The following CCDC18 variants were observed in gnomAD, a reference collection of about 807,000 sequenced individuals.
The protein encoded by CCDC18 is coiled-coil domain-containing protein 18.
CCDC18 carries 157 observed loss-of-function variants against 196.0 expected under a neutral mutation model. The observed-to-expected ratio is 0.80, with a 90% CI of 0.70 to 0.91. CCDC18 has a LOEUF of 0.91. Ranked by LOEUF, CCDC18 falls within the 40% of genes least tolerant of loss-of-function variation. CCDC18 has a pLI of 0.00. For synonymous variants in CCDC18, 482 were observed against 529.2 expected, an observed-to-expected ratio of 0.91 and a Z score of 1.22; for missense variants, 1,465 against 1,611.6, an observed-to-expected ratio of 0.91 and a Z score of 1.56.
At chr1:93,227,571 A>G (rs545478761) in intron 17 of CCDC18, among the ~76,000 whole-genome samples, 1 of 152,286 alleles carries the variant, frequency 6.6e-6, no homozygotes, top group African/African-American at 2.4e-5. Context: ...GGATAATCGT[A>G]ATGAAGAATG....
At chr1:93,210,186 G>A (rs1655384156) in intron 9 of CCDC18, among the ~76,000 whole-genome samples, 1 of 152,206 alleles carries the variant, frequency 6.6e-6, no homozygotes, top group South Asian at 2.1e-4. Context: ...GTGTGATTCG[G>A]TTATAGTTTG....
chr1:93,234,807 G>A (rs1659789703), intron 18 of CCDC18, among the ~76,000 whole-genome samples: 1 of 68,064 alleles, frequency 1.5e-5, no homozygotes, highest in Non-Finnish European at 2.7e-5. Context: ...TTTTGAGACC[G>A]GGTCTTACTT....
At position 93,241,450 on chromosome 1, in the gene CCDC18, G is replaced by A. The variant is rs750272206; in HGVS notation, c.2981+1554G>A. On this transcript the variant is annotated intron_variant, in intron 21 of 28. Transcript: ENST00000690025. The stretch of plus-strand genomic sequence containing the variant: ...ATTTAAAACATAAATTAGACCAGGC[G>A]CGGTGGCTCACGCCTGTAATCCCAA... Among the ~76,000 whole-genome samples, 188 of 151,938 alleles carry A rather than the reference G, an allele frequency of 1.2e-3. 1 individual carries two copies. Among genetic ancestry groups the A allele is most frequent in the Non-Finnish European group, 3.8e-4 (26 of 67,958 alleles).
intron 23 of CCDC18, among the ~76,000 whole-genome samples, chr1:93,248,604 A>T (rs1469575691): frequency 6.6e-6 from 1 of 152,066 alleles, no homozygotes. Context: ...TTCATCAGGG[A>T]TATTGGCCTG....
At chr1:93,266,960 C>G (rs1394780262) in intron 27 of CCDC18, among the ~76,000 whole-genome samples, 1 of 152,170 alleles carries the variant, frequency 6.6e-6, no homozygotes, top group Non-Finnish European at 1.5e-5. Flanking sequence ...CAGCATCATC[C>G]TGATACCAAG....
chr1:93,270,519 G>T lies in CCDC18; in HGVS notation c.4058G>T (p.Arg1353Leu), dbSNP rs866633657. The T allele has an allele frequency of 6.5e-7, 1 of 1,550,318 alleles. No homozygotes were observed. The highest frequency in any genetic ancestry group is 8.7e-7 in the Non-Finnish European group (1 of 1,146,872). The change falls in exon 28 of 29, where the codon CGC (arginine) becomes CTC (leucine). Residue 1353 changes from arginine to leucine, a missense_variant. Arg to Leu is a moderately radical substitution (Grantham distance 102). Coordinates refer to ENST00000690025, the MANE Select transcript of CCDC18 (RefSeq NM_001378204.1). Reference protein sequence around the residue: ...TSFSKCTKLRRSISASDLTFK... With the variant: ...TSFSKCTKLRLSISASDLTFK... The stretch of plus-strand genomic sequence containing the variant: ...TTTTCCAAGTGTACAAAATTACGTC[G>T]CTCTATTAGTGCCAGTGATCTTACT...
chr1:93,208,075 T>C (rs1051844970), intron 9 of CCDC18, among the ~76,000 whole-genome samples: 1 of 152,226 alleles, frequency 6.6e-6, no homozygotes. Flanking sequence ...AATGCTGCTA[T>C]GAACGTTTGC....
chr1:93,180,053 C>G (rs760830059), upstream of CCDC18: 1 of 1,612,324 alleles, frequency 6.2e-7, no homozygotes. Flanking sequence ...TCCGCACTTA[C>G]TTGGTACTCG....
At chr1:93,262,918 C>T (rs1347220397) in intron 26 of CCDC18, among the ~76,000 whole-genome samples, 1 of 152,098 alleles carries the variant, frequency 6.6e-6, no homozygotes, top group African/African-American at 2.4e-5. Context: ...TAGGCAGAGC[C>T]TCCCAAAGCT....
At chr1:93,271,013 G>A (rs1337215524) in intron 28 of CCDC18, 199 bp downstream of exon 28, 1 of 984,312 alleles carries the variant, frequency 1.0e-6, no homozygotes, top group East Asian at 1.1e-4. Flanking sequence ...CGGGGAAAGA[G>A]AGAGGCAGAG....
chr1:93,244,347 A>G lies in CCDC18; in HGVS notation c.2982-1758A>G, dbSNP rs564953766. Among the ~76,000 whole-genome samples the G allele has an allele frequency of 9.2e-4, 140 of 152,372 alleles. 1 individual carries two copies. Among genetic ancestry groups the G allele is most frequent in the Middle Eastern group, 3.4e-3 (1 of 294 alleles). On this transcript the variant is annotated intron_variant, in intron 21 of 28. Coordinates refer to ENST00000690025, the MANE Select transcript of CCDC18 (RefSeq NM_001378204.1). ...ATCAGATTTGGGTGGGAACACAGCC[A>G]AACCATATCATATAGTGTATCCATA...
chr1:93,196,294 A>G (rs1652714419), intron 6 of CCDC18, among the ~76,000 whole-genome samples: 1 of 152,220 alleles, frequency 6.6e-6, no homozygotes, highest in Admixed American at 6.5e-5. Context: ...ATTGCACTCC[A>G]GCCTGAGTGA....
At chr1:93,223,155 C>CT (rs1340531821) in intron 16 of CCDC18, among the ~76,000 whole-genome samples, 1 of 152,164 alleles carries the variant, frequency 6.6e-6, no homozygotes, top group African/African-American at 2.4e-5. Context: ...CACTTAACTC[C>CT]TGGTTTTCAT....
Position 93,270,710 on chromosome 1 carries a change from G to A in CCDC18, c.4249G>A (p.Glu1417Lys). The A allele has an allele frequency of 1.3e-6, 2 of 1,550,290 alleles. No homozygotes were observed. Among genetic ancestry groups the A allele is most frequent in the Non-Finnish European group, 8.7e-7 (1 of 1,146,858 alleles). The stretch of plus-strand genomic sequence containing the variant: ...ATATAACCTAGAAGCTGATAGTTCT[G>A]AGAATAATGACTTTAACACGCTTAG... The part of the protein sequence containing the change: ...LTYNLEADSS[E>K]NNDFNTLSGM... Residue 1417 changes from glutamate to lysine, a missense_variant, in exon 28 of 29, where the codon GAG (glutamate) becomes AAG (lysine). Physicochemically the swap from Glu to Lys is moderately conservative, Grantham distance 56 (BLOSUM62 1). Transcript: ENST00000690025.
At position 93,269,371 on chromosome 1, in the gene CCDC18, C is replaced by T. The variant is rs552289335; in HGVS notation, c.3886-976C>T. Among the ~76,000 whole-genome samples the T allele has an allele frequency of 3.3e-5, 5 of 149,532 alleles. No homozygotes were observed. The South Asian group carries it at 1.1e-3, about 32-fold the overall frequency. ...AGCACACCAACATGGCACATGTATA[C>T]ATATGTAACAAACCTGCACGTTGAG... On this transcript the variant is annotated intron_variant, in intron 27 of 28. Coordinates refer to ENST00000690025, the MANE Select transcript of CCDC18 (RefSeq NM_001378204.1).
chr1:93,186,247 C>T lies in CCDC18; in HGVS notation c.304-98C>T, dbSNP rs554870437. ...TTTTAACTCATTTTCTGAGCTGCTT[C>T]GTCATTTTGTTAATAATTGCTCATA... On this transcript the variant is annotated intron_variant, in intron 3 of 28. Coordinates refer to ENST00000690025, the MANE Select transcript of CCDC18 (RefSeq NM_001378204.1). 1.4e-4 allele frequency: 156 copies of T among 1,126,284 alleles called. No individual in the cohort carries two copies. The East Asian group carries it at 3.3e-3, about 24-fold the overall frequency. The allele number at this position is 1,126,284 out of a possible 1,614,324, so 69.8% of individuals were successfully genotyped here. A position where few individuals can be genotyped will look rare whatever the true frequency, so the allele number is the denominator to read the frequency against.
chr1:93,270,091 T>A (rs1020192815), intron 27 of CCDC18, among the ~76,000 whole-genome samples: 4 of 152,056 alleles, frequency 2.6e-5, no homozygotes, highest in African/African-American at 4.8e-5. Flanking sequence ...ACACCAAAAA[T>A]ATATATATAA....
intron 27 of CCDC18, among the ~76,000 whole-genome samples, chr1:93,268,722 T>A (rs572523904): frequency 1.3e-4 from 20 of 152,052 alleles, no homozygotes; most frequent in Middle Eastern, 3.4e-3. Flanking sequence ...AAAACCACAA[T>A]GAGATACCAT....
rs552419509 is a variant in CCDC18 at position 93,188,416 on chromosome 1, T to C, written c.462+1913T>C. 7.2e-5 allele frequency among the ~76,000 whole-genome samples: 11 copies of C among 152,338 alleles called. No individual in the cohort carries two copies. The South Asian group carries it at 2.3e-3, about 32-fold the overall frequency. ...TGGAGCTACTGTTTCCTGAATTCTA[T>C]TTTTTGTTATTTCCTAGTTTATTCT... On this transcript the variant is annotated intron_variant, in intron 4 of 28. Transcript: ENST00000690025.
Sources: allele counts gnomAD v4.1 joint callset (sites outside exome capture counted in the v4.1 genomes callset), GRCh38; gene constraint gnomAD v4.1.1; transcripts MANE v1.5; gene names NCBI Gene and HGNC (gene_info 2026-07-23, HGNC 2026-07-21).